The following LOC128092253 variants were observed in gnomAD, a reference collection of about 807,000 sequenced individuals.
the LOC128092253 span, among the ~76,000 whole-genome samples, chr6:133,973,044 G>A: frequency 2.6e-5 from 4 of 152,258 alleles, no homozygotes; most frequent in South Asian, 2.1e-4. Flanking sequence ...AAAGAACATC[G>A]TTCTAAAAGG....
At chr6:133,961,238 T>C in the LOC128092253 span, among the ~76,000 whole-genome samples, 1 of 152,116 alleles carries the variant, frequency 6.6e-6, no homozygotes, top group Non-Finnish European at 1.5e-5. Context: ...CATCAACTTT[T>C]TATTGAGTTT....
At chr6:133,980,024 G>A in the LOC128092253 span, 2 of 1,216,722 alleles carry the variant, frequency 1.6e-6, no homozygotes, top group Non-Finnish European at 2.2e-6. Flanking sequence ...TTTCAAAATT[G>A]TGAAAAGTGA....
chr6:133,977,599 T>C, the LOC128092253 span, among the ~76,000 whole-genome samples: 1 of 152,236 alleles, frequency 6.6e-6, no homozygotes, highest in Non-Finnish European at 1.5e-5. Context: ...TTGATTCGCA[T>C]GAAGTTTCTT....
the LOC128092253 span, among the ~76,000 whole-genome samples, chr6:133,963,079 C>T: frequency 6.6e-6 from 1 of 152,160 alleles, no homozygotes; most frequent in African/African-American, 2.4e-5. Flanking sequence ...TCATTTGTAA[C>T]ATTTTGTACT....
chr6:133,974,409 C>A, the LOC128092253 span, among the ~76,000 whole-genome samples: 36 of 152,234 alleles, frequency 2.4e-4, no homozygotes, highest in Non-Finnish European at 5.0e-4. Flanking sequence ...TCTCAGCTCA[C>A]TGCAACCTCC....
chr6:133,977,392 CT>C, the LOC128092253 span, among the ~76,000 whole-genome samples: 11 of 152,176 alleles, frequency 7.2e-5, no homozygotes, highest in East Asian at 2.1e-3. Flanking sequence ...TTCAAGGCTT[CT>C]TTTTTGCATT....
At chr6:133,962,559 G>A in the LOC128092253 span, among the ~76,000 whole-genome samples, 11 of 152,264 alleles carry the variant, frequency 7.2e-5, no homozygotes, top group Admixed American at 2.0e-4. Context: ...TTCTTGAGGT[G>A]CTTAATGAGT....
At chr6:133,972,075 CA>C in the LOC128092253 span, among the ~76,000 whole-genome samples, 1 of 152,086 alleles carries the variant, frequency 6.6e-6, no homozygotes, top group Non-Finnish European at 1.5e-5. Flanking sequence ...TGTTTGGTGG[CA>C]AGATTCCAGA....
the LOC128092253 span, among the ~76,000 whole-genome samples, chr6:133,971,255 C>T: frequency 6.6e-6 from 1 of 152,040 alleles, no homozygotes; most frequent in Admixed American, 6.6e-5. Flanking sequence ...ACTAACGTCA[C>T]AAATGACAAG....
At chr6:133,974,871 AATG>A in the LOC128092253 span, among the ~76,000 whole-genome samples, 1 of 152,224 alleles carries the variant, frequency 6.6e-6, no homozygotes, top group Non-Finnish European at 1.5e-5. Context: ...CTGCTAAATA[AATG>A]ATTAGTCTAA....
At chr6:133,964,293 A>G in the LOC128092253 span, among the ~76,000 whole-genome samples, 1 of 152,124 alleles carries the variant, frequency 6.6e-6, no homozygotes, top group Middle Eastern at 3.2e-3. Context: ...AGATCTGACA[A>G]GCTCTGAGTA....
At chr6:133,960,762 T>TG in the LOC128092253 span, among the ~76,000 whole-genome samples, 1 of 152,174 alleles carries the variant, frequency 6.6e-6, no homozygotes, top group East Asian at 1.9e-4. Flanking sequence ...ACTGACAGGG[T>TG]GGCCATTCTC....
chr6:133,955,258 A>C, the LOC128092253 span, among the ~76,000 whole-genome samples: 3 of 148,438 alleles, frequency 2.0e-5, no homozygotes, highest in African/African-American at 7.5e-5. Context: ...CTGTCTCTTC[A>C]TTGTTTGAGT....
At chr6:133,969,568 G>A in the LOC128092253 span, among the ~76,000 whole-genome samples, 4 of 151,970 alleles carry the variant, frequency 2.6e-5, no homozygotes, top group Non-Finnish European at 5.9e-5. Context: ...AATGTTTTAC[G>A]GGTGGTAAAA....
the LOC128092253 span, among the ~76,000 whole-genome samples, chr6:133,966,135 A>G: frequency 6.6e-6 from 1 of 152,086 alleles, no homozygotes; most frequent in Admixed American, 6.6e-5. Context: ...GTGGGTGTGT[A>G]AGTAAACATT....
At chr6:133,972,385 T>C in the LOC128092253 span, among the ~76,000 whole-genome samples, 1 of 152,226 alleles carries the variant, frequency 6.6e-6, no homozygotes, top group Non-Finnish European at 1.5e-5. Flanking sequence ...TATACAGACA[T>C]TTTGTCATTT....
chr6:133,976,231 A>G, the LOC128092253 span, among the ~76,000 whole-genome samples: 2 of 152,218 alleles, frequency 1.3e-5, no homozygotes, highest in Non-Finnish European at 2.9e-5. Flanking sequence ...AATTAAACGA[A>G]ATAATTTGGA....
the LOC128092253 span, among the ~76,000 whole-genome samples, chr6:133,971,522 A>C: frequency 6.6e-6 from 1 of 152,136 alleles, no homozygotes; most frequent in East Asian, 1.9e-4. Context: ...TGAGTTTACT[A>C]TCCTACCAAC....
At chr6:133,970,386 G>A in the LOC128092253 span, among the ~76,000 whole-genome samples, 10 of 152,112 alleles carry the variant, frequency 6.6e-5, no homozygotes, top group Non-Finnish European at 8.8e-5. Context: ...ACTCTCTTTG[G>A]TCTGGACATT....
Sources: gnomAD v4.1 joint callset for allele counts (sites outside exome capture counted in the v4.1 genomes callset) on GRCh38, gnomAD v4.1.1 for gene constraint, MANE v1.5 for transcripts.